RSRC1: variants seen among roughly 807,000 people sequenced by gnomAD.
RSRC1 encodes arginine and serine rich coiled-coil 1, also known as serine/Arginine-related protein 53.
RSRC1 carries 39 observed loss-of-function variants against 49.1 expected under a neutral mutation model. That is an observed-to-expected ratio of 0.79 (90% CI 0.61 to 1.04). The LOEUF (loss-of-function observed/expected upper bound fraction) is 1.04, where lower values mean the gene tolerates loss of function less well. Ranked by LOEUF, RSRC1 falls within the 50% of genes least tolerant of loss-of-function variation. RSRC1 has a pLI of 0.00. For missense variants in RSRC1, 388 were observed against 402.4 expected, an observed-to-expected ratio of 0.96 and a Z score of 0.31; for synonymous variants, 143 against 130.8, an observed-to-expected ratio of 1.09 and a Z score of -0.63.
chr3:158,258,840 G>A (rs1310682829), intron 4 of RSRC1, among the ~76,000 whole-genome samples: 2 of 151,906 alleles, frequency 1.3e-5, no homozygotes, highest in Non-Finnish European at 1.5e-5. Flanking sequence ...AGAGACTCTG[G>A]TGCATTTCTC....
chr3:158,363,343 G>A (rs1296716080), intron 6 of RSRC1, among the ~76,000 whole-genome samples: 3 of 149,436 alleles, frequency 2.0e-5, no homozygotes, highest in Non-Finnish European at 4.4e-5. Context: ...GGCTCACCAC[G>A]TCCTCTGTCT....
intron 5 of RSRC1, among the ~76,000 whole-genome samples, chr3:158,298,286 A>T (rs939121158): frequency 2.6e-5 from 4 of 151,792 alleles, no homozygotes; most frequent in African/African-American, 9.7e-5. Flanking sequence ...CTTTTTTTTG[A>T]TGTAGAGATG....
At chr3:158,372,328 T>C (rs1732125599) in intron 6 of RSRC1, among the ~76,000 whole-genome samples, 1 of 151,944 alleles carries the variant, frequency 6.6e-6, no homozygotes, top group Non-Finnish European at 1.5e-5. Flanking sequence ...TTAATGTTTA[T>C]ATATGATGAA....
chr3:158,119,192 G>A (rs1161040856), intron 1 of RSRC1, among the ~76,000 whole-genome samples: 1 of 152,050 alleles, frequency 6.6e-6, no homozygotes, highest in Non-Finnish European at 1.5e-5. Context: ...TAGCCTCATG[G>A]CCTCATTGTG....
At position 158,466,213 on chromosome 3, in the gene RSRC1, A is replaced by G. The variant is rs550144154; in HGVS notation, c.652+5210A>G. On this transcript the variant is annotated intron_variant, in intron 7 of 9. Coordinates refer to ENST00000611884, the MANE Select transcript of RSRC1 (RefSeq NM_001271838.2). ...TCCTTCCTTATTTTCGTAATAGCTA[A>G]GTCATACTATTTTTGCTTCATACAC... Among the ~76,000 whole-genome samples, 13 of 152,308 alleles carry G rather than the reference A, an allele frequency of 8.5e-5. No homozygotes were observed. The East Asian group carries it at 2.3e-3, about 27-fold the overall frequency.
intron 3 of RSRC1, among the ~76,000 whole-genome samples, chr3:158,192,106 A>G (rs1193531456): frequency 6.6e-6 from 1 of 151,904 alleles, no homozygotes; most frequent in African/African-American, 2.4e-5. Flanking sequence ...GCTACTTGCA[A>G]TCTATAAGCA....
intron 6 of RSRC1, among the ~76,000 whole-genome samples, chr3:158,427,340 A>G (rs1040044059): frequency 2.0e-5 from 3 of 151,796 alleles, no homozygotes; most frequent in Non-Finnish European, 2.9e-5. Context: ...GAAGATTTCT[A>G]TTTTCTCCAA....
intron 8 of RSRC1, among the ~76,000 whole-genome samples, chr3:158,540,523 T>G (rs58363161): frequency 1.7e-4 from 26 of 151,724 alleles, no homozygotes; most frequent in Admixed American, 1.3e-3. Context: ...TGAATGCTGA[T>G]CAGCTTCCAT....
At chr3:158,437,013 T>C (rs1401872606) in intron 6 of RSRC1, among the ~76,000 whole-genome samples, 1 of 119,280 alleles carries the variant, frequency 8.4e-6, no homozygotes, top group Non-Finnish European at 1.8e-5. Flanking sequence ...TCTGCTATAA[T>C]ACCTCATAGT....
At chr3:158,415,333 A>G (rs553556461) in intron 6 of RSRC1, among the ~76,000 whole-genome samples, 1 of 152,040 alleles carries the variant, frequency 6.6e-6, no homozygotes, top group Non-Finnish European at 1.5e-5. Flanking sequence ...TCTACTCTGC[A>G]TTTGAAAACT....
At chr3:158,263,855 T>G (rs757114681) in intron 4 of RSRC1, among the ~76,000 whole-genome samples, 3 of 152,008 alleles carry the variant, frequency 2.0e-5, no homozygotes, top group Non-Finnish European at 4.4e-5. Context: ...TTTTTATCCT[T>G]TTAGCGTCTG....
At chr3:158,259,610 C>T (rs139352239) in intron 4 of RSRC1, among the ~76,000 whole-genome samples, 416 of 152,260 alleles carry the variant, frequency 2.7e-3, no homozygotes, top group African/African-American at 9.7e-3. Context: ...AGTCCAGTGG[C>T]TCTACAATCC....
chr3:158,494,021 G>A (rs913689189), intron 7 of RSRC1, among the ~76,000 whole-genome samples: 2 of 152,110 alleles, frequency 1.3e-5, no homozygotes, highest in African/African-American at 4.8e-5. Context: ...GGAGGAGGGG[G>A]TAGTTTAAAA....
intron 6 of RSRC1, among the ~76,000 whole-genome samples, chr3:158,443,525 G>C (rs1332657209): frequency 6.6e-6 from 1 of 152,192 alleles, no homozygotes; most frequent in East Asian, 1.9e-4. Context: ...ATTTAAGAAA[G>C]TTAGGACTTT....
chr3:158,442,486 T>G (rs1736436628), intron 6 of RSRC1, among the ~76,000 whole-genome samples: 1 of 152,196 alleles, frequency 6.6e-6, no homozygotes, highest in Non-Finnish European at 1.5e-5. Flanking sequence ...TCTCATCCCT[T>G]CAGGTTCAGT....
At chr3:158,136,937 G>T (rs1284796688) in intron 3 of RSRC1, 1 of 152,090 alleles carries the variant, frequency 6.6e-6, no homozygotes. Flanking sequence ...CTAAAAATCT[G>T]CTCTGTTCTT....
At chr3:158,259,505 G>C (rs1559965715) in intron 4 of RSRC1, among the ~76,000 whole-genome samples, 1 of 152,056 alleles carries the variant, frequency 6.6e-6, no homozygotes, top group African/African-American at 2.4e-5. Flanking sequence ...ACCATTACAG[G>C]GACTGTGCTT....
chr3:158,222,656 T>C (rs1458288282), intron 4 of RSRC1, among the ~76,000 whole-genome samples: 1 of 151,652 alleles, frequency 6.6e-6, no homozygotes, highest in Admixed American at 6.6e-5. Context: ...TATCACTTCT[T>C]AAATTGTTTG....
intron 6 of RSRC1, among the ~76,000 whole-genome samples, chr3:158,442,480 A>T (rs995786713): frequency 6.6e-6 from 1 of 152,096 alleles, no homozygotes; most frequent in African/African-American, 2.4e-5. Context: ...GCAATTTCTC[A>T]TCCCTTCAGG....
Sources: allele counts gnomAD v4.1 joint callset (sites outside exome capture counted in the v4.1 genomes callset), GRCh38; gene constraint gnomAD v4.1.1; transcripts MANE v1.5; gene names NCBI Gene and HGNC (gene_info 2026-07-23, HGNC 2026-07-21).